Variants in CSMD1 observed in about 807,000 individuals in gnomAD.
CSMD1 encodes CUB and Sushi multiple domains 1.
Under a neutral mutation model 417.5 loss-of-function variants are expected in CSMD1, and 213 were observed. The observed-to-expected ratio is 0.51, with a 90% CI of 0.46 to 0.57. CSMD1 has a LOEUF of 0.57. CSMD1 is among the 20% of genes least tolerant of loss of function. The pLI, the probability that CSMD1 is intolerant of heterozygous loss-of-function variation, is 0.00. For missense variants in CSMD1, 6,923 were observed against 4,529.7 expected (o/e 1.53, Z -15.17); for synonymous variants, 2,862 against 1,736.8 (o/e 1.65, Z -16.11).
At chr8:4,694,720 T>A (rs1303014006) in intron 1 of CSMD1, among the ~76,000 whole-genome samples, 1 of 152,128 alleles carries the variant, frequency 6.6e-6, no homozygotes, top group African/African-American at 2.4e-5. Flanking sequence ...ATGTGTAACG[T>A]CAAGCTGTGC....
chr8:3,780,527 G>A (rs1054601388), intron 5 of CSMD1, among the ~76,000 whole-genome samples: 1 of 152,154 alleles, frequency 6.6e-6, no homozygotes. Context: ...TGGTACTACT[G>A]AATTGGATGG....
At chr8:4,129,087 A>G (rs1366035330) in intron 3 of CSMD1, among the ~76,000 whole-genome samples, 1 of 151,098 alleles carries the variant, frequency 6.6e-6, no homozygotes, top group African/African-American at 2.4e-5. Flanking sequence ...AAAAAAAAAA[A>G]AAAAACAAAA....
chr8:3,112,143 C>T lies in CSMD1; in HGVS notation c.6431-1808G>A, dbSNP rs186453288. Among the ~76,000 whole-genome samples the T allele has an allele frequency of 4.6e-3, 706 of 151,956 alleles. 6 individuals carry two copies. Among genetic ancestry groups the T allele is most frequent in the African/African-American group, 0.016 (655 of 41,476 alleles). On this transcript the variant is annotated intron_variant, in intron 42 of 69. Coordinates refer to ENST00000635120, the MANE Select transcript of CSMD1 (RefSeq NM_033225.6). ...CATCTCCTCCCACCCCAGCTGCTAC[C>T]TCCTTTCAAGAGTCCCTACTGTCTA...
chr8:3,603,066 C>T (rs1801438251), intron 8 of CSMD1, among the ~76,000 whole-genome samples: 1 of 152,142 alleles, frequency 6.6e-6, no homozygotes, highest in Non-Finnish European at 1.5e-5. Context: ...TTTAGCCACA[C>T]AAATATGATC....
chr8:3,651,282 T>G (rs1389198993), intron 7 of CSMD1, among the ~76,000 whole-genome samples: 1 of 152,140 alleles, frequency 6.6e-6, no homozygotes, highest in Non-Finnish European at 1.5e-5. Flanking sequence ...CCATTTCACC[T>G]TGAGTAAAAG....
chr8:3,679,888 A>C (rs1322260973), intron 7 of CSMD1, among the ~76,000 whole-genome samples: 3 of 152,220 alleles, frequency 2.0e-5, no homozygotes, highest in Non-Finnish European at 4.4e-5. Context: ...AACTCACTCA[A>C]AACCACACAA....
At chr8:4,789,561 G>C (rs1025463338) in intron 1 of CSMD1, among the ~76,000 whole-genome samples, 1 of 152,096 alleles carries the variant, frequency 6.6e-6, no homozygotes, top group African/African-American at 2.4e-5. Flanking sequence ...CAAAGCTTTT[G>C]TTCACAATCT....
intron 7 of CSMD1, among the ~76,000 whole-genome samples, chr8:3,675,369 C>A (rs147929270): frequency 6.6e-6 from 1 of 152,148 alleles, no homozygotes; most frequent in African/African-American, 2.4e-5. Flanking sequence ...AGTAAGGCCT[C>A]AGCAATGTGG....
Position 4,749,719 on chromosome 8 carries a change from TA to T in CSMD1, c.86-112162del, listed in dbSNP as rs371577489. 4.3e-3 allele frequency among the ~76,000 whole-genome samples: 658 copies of T among 152,306 alleles called. 2 individuals carry two copies. Among genetic ancestry groups the T allele is most frequent in the African/African-American group, 0.015 (631 of 41,564 alleles). On this transcript the variant is annotated intron_variant, in intron 1 of 69. Transcript: ENST00000635120. Reference sequence around the variant, plus strand: ...TTTCAACTTAAGAAATTCATTGCAATAATTTTAATAATTACATATTTCATAA... The same window carrying T: ...TTTCAACTTAAGAAATTCATTGCAATATTTTAATAATTACATATTTCATAA...
chr8:4,173,052 T>C (rs913415296), intron 3 of CSMD1, among the ~76,000 whole-genome samples: 1 of 152,182 alleles, frequency 6.6e-6, no homozygotes, highest in African/African-American at 2.4e-5. Context: ...AGAAATTTCC[T>C]GCCCAGCAAT....
chr8:3,288,059 A>G (rs1338897737), intron 25 of CSMD1, among the ~76,000 whole-genome samples: 2 of 147,476 alleles, frequency 1.4e-5, no homozygotes, highest in Non-Finnish European at 2.9e-5. Flanking sequence ...TATTGAGATA[A>G]TCATGTGGTT....
chr8:4,104,385 TAC>T (rs908770761), intron 3 of CSMD1, among the ~76,000 whole-genome samples: 1 of 152,088 alleles, frequency 6.6e-6, no homozygotes, highest in Non-Finnish European at 1.5e-5. Context: ...AGGGCAGTAC[TAC>T]ACACACACGT....
intron 3 of CSMD1, among the ~76,000 whole-genome samples, chr8:4,317,113 C>T (rs1481367371): frequency 1.3e-5 from 2 of 152,118 alleles, no homozygotes; most frequent in Non-Finnish European, 2.9e-5. Flanking sequence ...TTCCAACTGG[C>T]CAAGCACATC....
At chr8:4,322,984 C>CA (rs1430438012) in intron 3 of CSMD1, among the ~76,000 whole-genome samples, 5 of 152,140 alleles carry the variant, frequency 3.3e-5, no homozygotes, top group Admixed American at 2.0e-4. Flanking sequence ...GACTCCGTCT[C>CA]AAAAAACTAC....
intron 37 of CSMD1, among the ~76,000 whole-genome samples, chr8:3,170,935 C>G (rs896578787): frequency 3.3e-5 from 5 of 152,108 alleles, no homozygotes; most frequent in Non-Finnish European, 7.3e-5. Context: ...TTTAGAAATG[C>G]CATAATAAAG....
intron 1 of CSMD1, among the ~76,000 whole-genome samples, chr8:4,965,254 G>A (rs1809783499): frequency 6.6e-6 from 1 of 152,186 alleles, no homozygotes; most frequent in South Asian, 2.1e-4. Flanking sequence ...TGTTCCCATT[G>A]ATAACAATTA....
chr8:4,834,583 A>G (rs981189066), intron 1 of CSMD1, among the ~76,000 whole-genome samples: 1 of 152,188 alleles, frequency 6.6e-6, no homozygotes, highest in Non-Finnish European at 1.5e-5. Context: ...TACGAGTTCA[A>G]AAAGAATGAG....
chr8:3,532,127 C>T (rs1454938119), intron 10 of CSMD1, among the ~76,000 whole-genome samples: 1 of 152,140 alleles, frequency 6.6e-6, no homozygotes, highest in East Asian at 1.9e-4. Context: ...TTTTCTGGGA[C>T]TCCTCTCTGG....
intron 5 of CSMD1, among the ~76,000 whole-genome samples, chr8:3,780,751 T>G (rs1799133137): frequency 6.6e-6 from 1 of 152,174 alleles, no homozygotes; most frequent in South Asian, 2.1e-4. Context: ...ATTTAATCTC[T>G]TGGGTGACAT....
Sources: allele counts gnomAD v4.1 joint callset (sites outside exome capture counted in the v4.1 genomes callset), GRCh38; gene constraint gnomAD v4.1.1; transcripts MANE v1.5; gene names NCBI Gene and HGNC (gene_info 2026-07-23, HGNC 2026-07-21).